The following CELF2 variants were observed in gnomAD, a reference collection of about 807,000 sequenced individuals.
CELF2 encodes CUGBP Elav-like family member 2.
In CELF2, 8 loss-of-function variants were observed where a neutral mutation model predicts 62.6. The observed-to-expected ratio is 0.13, with a 90% CI of 0.07 to 0.23. The LOEUF (loss-of-function observed/expected upper bound fraction) is 0.23. CELF2 is among the 10% of genes least tolerant of loss of function. CELF2 has a pLI of 1.00. For synonymous variants in CELF2, 258 were observed against 250.0 expected, an observed-to-expected ratio of 1.03 and a Z score of -0.30; for missense variants, 333 against 671.0, an observed-to-expected ratio of 0.50 and a Z score of 5.56.
rs988102074 is a variant in CELF2 at position 11,211,821 on chromosome 10, T to A, written c.272-5604T>A. Among the ~76,000 whole-genome samples, 161 of 112,370 alleles carry A rather than the reference T, an allele frequency of 1.4e-3. No homozygotes were observed. Among genetic ancestry groups the A allele is most frequent in the Middle Eastern group, 4.7e-3 (1 of 212 alleles). The allele number at this position is 112,370 out of a possible 152,430, so 73.7% of individuals were successfully genotyped here. A position where few individuals can be genotyped will look rare whatever the true frequency, so the allele number is the denominator to read the frequency against. ...GAGAGAGAGAGAGAGAGAGTGTGTG[T>A]GTGTGTGTGTGTGTGTGTGTGTGTG... On this transcript the variant is annotated intron_variant, in intron 2 of 12. Coordinates refer to ENST00000633077, the MANE Select transcript of CELF2 (RefSeq NM_001326342.2). The surrounding 1 kb of genome is among the most constrained non-coding windows in gnomAD (Gnocchi z 4.8).
intron 2 of CELF2, among the ~76,000 whole-genome samples, chr10:10,956,879 A>G (rs367824943): frequency 6.0e-4 from 91 of 151,872 alleles, no homozygotes; most frequent in African/African-American, 2.1e-3. Flanking sequence ...GTCTGCAGTG[A>G]GCTATGATTG....
the CELF2 span, among the ~76,000 whole-genome samples, chr10:10,500,418 G>C: frequency 6.6e-5 from 10 of 152,300 alleles, no homozygotes; most frequent in African/African-American, 2.4e-4. Context: ...GACCTGGTGG[G>C]AGGTAATTGA....
chr10:10,818,881 G>A lies in CELF2; in HGVS notation c.53+20064G>A, dbSNP rs140125336. Among the ~76,000 whole-genome samples, 37 of 152,252 alleles carry A rather than the reference G, an allele frequency of 2.4e-4. No homozygotes were observed. In the East Asian group the frequency reaches 3.9e-3, roughly 16 times the overall value. ...GCATGAGCCACCATGCCCAGACAGC[G>A]TGGCATATTTCCTTCAGAAAGTTGA... On this transcript the variant is annotated intron_variant, in intron 1 of 13. Transcript: ENST00000636488.
chr10:10,760,389 A>G, the CELF2 span, among the ~76,000 whole-genome samples: 2 of 152,166 alleles, frequency 1.3e-5, no homozygotes, highest in Non-Finnish European at 2.9e-5. Context: ...AGACTGTGCT[A>G]CTGTGACTTG....
At chr10:10,765,249 C>T in the CELF2 span, among the ~76,000 whole-genome samples, 2 of 152,182 alleles carry the variant, frequency 1.3e-5, no homozygotes, top group South Asian at 4.1e-4. Flanking sequence ...ACAAGGGTGG[C>T]CTTGAACCAG....
chr10:11,269,152 C>G lies in CELF2; in HGVS notation c.619-1514C>G, dbSNP rs11812306. ...CATAATCTTCAAAGTATGTTGCTCT[C>G]TTTTAAGTGAAGTACTGAAACATGG... On this transcript the variant is annotated intron_variant, in intron 6 of 12. Transcript: ENST00000633077. This position sits in a 1 kb window ranked among gnomAD's most constrained non-coding sequence, Gnocchi z 4.4. Among the ~76,000 whole-genome samples, 37 of 152,114 alleles carry G rather than the reference C, an allele frequency of 2.4e-4. No individual in the cohort carries two copies. The highest frequency in any genetic ancestry group is 8.9e-4 in the African/African-American group (37 of 41,406).
Position 11,328,263 on chromosome 10 carries a change from A to T in CELF2, c.1439-663A>T, listed in dbSNP as rs1395328655. On this transcript the variant is annotated intron_variant, in intron 12 of 12. Coordinates refer to ENST00000633077, the MANE Select transcript of CELF2 (RefSeq NM_001326342.2). The surrounding 1 kb of genome is among the most constrained non-coding windows in gnomAD (Gnocchi z 6.4). ...TTTGGAAATGGAAAGTGAGATAAGG[A>T]GAAAGGCCCAGCACTTCCCTAGTCT... Among the ~76,000 whole-genome samples the T allele has an allele frequency of 6.6e-6, 1 of 152,244 alleles. No homozygotes were observed. The highest frequency in any genetic ancestry group is 1.9e-4 in the East Asian group (1 of 5,204).
intron 1 of CELF2, among the ~76,000 whole-genome samples, chr10:11,019,138 TA>T (rs1244386318): frequency 1.3e-5 from 2 of 152,314 alleles, no homozygotes; most frequent in East Asian, 3.9e-4. Context: ...GGAAAGTTTT[TA>T]TTAGCTCGGA....
chr10:10,985,479 A>G (rs1349250098), intron 2 of CELF2, among the ~76,000 whole-genome samples: 1 of 152,192 alleles, frequency 6.6e-6, no homozygotes, highest in Non-Finnish European at 1.5e-5. Context: ...GCCCTTTTGT[A>G]AGACACCCAA....
At chr10:11,151,190 C>T (rs1025467340) in intron 1 of CELF2, among the ~76,000 whole-genome samples, 3 of 152,174 alleles carry the variant, frequency 2.0e-5, no homozygotes, top group South Asian at 2.1e-4. Flanking sequence ...TTTCCACCTC[C>T]GGTCCCGTAG....
intron 1 of CELF2, among the ~76,000 whole-genome samples, chr10:10,892,362 C>A (rs1477349438): frequency 6.6e-6 from 1 of 152,122 alleles, no homozygotes; most frequent in Non-Finnish European, 1.5e-5. Context: ...GCTGGTCTTT[C>A]TACCTCATTC....
chr10:11,093,914 A>G (rs2142070004), intron 1 of CELF2, among the ~76,000 whole-genome samples: 1 of 152,356 alleles, frequency 6.6e-6, no homozygotes, highest in South Asian at 2.1e-4. Flanking sequence ...TCTAAGGTTG[A>G]GTCAGTGTTT....
At chr10:10,674,084 T>C in the CELF2 span, among the ~76,000 whole-genome samples, 2 of 152,202 alleles carry the variant, frequency 1.3e-5, no homozygotes, top group Non-Finnish European at 2.9e-5. Flanking sequence ...TTACTGATTG[T>C]ATGCCTGCTG....
At chr10:10,513,313 T>A in the CELF2 span, among the ~76,000 whole-genome samples, 1 of 152,186 alleles carries the variant, frequency 6.6e-6, no homozygotes, top group Non-Finnish European at 1.5e-5. Context: ...CATCTTCCCA[T>A]CTAGTCCTGC....
chr10:10,811,530 C>G (rs1208854854), intron 1 of CELF2, among the ~76,000 whole-genome samples: 1 of 152,064 alleles, frequency 6.6e-6, no homozygotes, highest in Non-Finnish European at 1.5e-5. Context: ...AAAGAAACAG[C>G]TTTCAGGTTC....
At chr10:10,657,124 A>C in the CELF2 span, among the ~76,000 whole-genome samples, 3 of 152,136 alleles carry the variant, frequency 2.0e-5, no homozygotes, top group Non-Finnish European at 4.4e-5. Flanking sequence ...CCCTGAAAAA[A>C]TTTGGTTAAG....
At chr10:10,813,496 A>T (rs1054289299) in intron 1 of CELF2, among the ~76,000 whole-genome samples, 1 of 152,228 alleles carries the variant, frequency 6.6e-6, no homozygotes, top group African/African-American at 2.4e-5. Context: ...AACTGGGAAG[A>T]TGTGGCCCTC....
intron 1 of CELF2, among the ~76,000 whole-genome samples, chr10:10,819,449 C>G (rs564791033): frequency 6.6e-6 from 1 of 152,082 alleles, no homozygotes; most frequent in South Asian, 2.1e-4. Flanking sequence ...CCAGGGTTAC[C>G]AATGCCAAAT....
At chr10:10,535,142 C>T in the CELF2 span, among the ~76,000 whole-genome samples, 2 of 152,152 alleles carry the variant, frequency 1.3e-5, no homozygotes, top group East Asian at 3.9e-4. Flanking sequence ...CACTCAATAC[C>T]CAATACTGGC....
Sources: allele counts gnomAD v4.1 joint callset (sites outside exome capture counted in the v4.1 genomes callset), GRCh38; gene constraint gnomAD v4.1.1; non-coding constraint Gnocchi (gnomAD v3.1); transcripts MANE v1.5; gene names NCBI Gene and HGNC (gene_info 2026-07-23, HGNC 2026-07-21).